The following PTPRD variants were observed in gnomAD, a reference collection of about 807,000 sequenced individuals.
PTPRD encodes the protein protein tyrosine phosphatase receptor type D, also known as receptor-type tyrosine-protein phosphatase delta.
A neutral mutation model predicts 214.5 loss-of-function variants in PTPRD; 34 were observed. The observed-to-expected ratio is 0.16, with a 90% CI of 0.12 to 0.21. The LOEUF (loss-of-function observed/expected upper bound fraction) is 0.21. Ranked by LOEUF, PTPRD falls within the 10% of genes least tolerant of loss-of-function variation. PTPRD has a pLI of 1.00. For missense variants in PTPRD, 2,545 were observed against 2,398.7 expected (o/e 1.06, Z -1.27); for synonymous variants, 1,128 against 845.7 (o/e 1.33, Z -5.79).
At chr9:9,313,905 G>A (rs1960813589) in intron 9 of PTPRD, among the ~76,000 whole-genome samples, 1 of 152,044 alleles carries the variant, frequency 6.6e-6, no homozygotes, top group African/African-American at 2.4e-5. Context: ...AGGCACACAA[G>A]CATGCACATG....
intron 9 of PTPRD, among the ~76,000 whole-genome samples, chr9:9,262,744 A>G (rs1258682779): frequency 6.6e-6 from 1 of 151,632 alleles, no homozygotes; most frequent in Non-Finnish European, 1.5e-5. Context: ...TTTTAATGCC[A>G]TGTTTCTTAT....
intron 3 of PTPRD, among the ~76,000 whole-genome samples, chr9:10,138,626 G>C (rs2098959682): frequency 2.0e-5 from 3 of 152,022 alleles, no homozygotes. Context: ...CAATATTCCT[G>C]ATAAGCATAG....
intron 3 of PTPRD, among the ~76,000 whole-genome samples, chr9:10,039,771 C>T (rs188123827): frequency 6.6e-6 from 1 of 151,656 alleles, no homozygotes; most frequent in Non-Finnish European, 1.5e-5. Context: ...ATATATTTAT[C>T]AAATTGGATA....
chr9:9,585,680 G>C (rs1343740924), intron 7 of PTPRD, among the ~76,000 whole-genome samples: 2 of 151,876 alleles, frequency 1.3e-5, no homozygotes, highest in South Asian at 2.1e-4. Context: ...CATTTTTCAA[G>C]CCCAACAATT....
chr9:10,202,634 C>T (rs1186910764), intron 3 of PTPRD, among the ~76,000 whole-genome samples: 1 of 140,952 alleles, frequency 7.1e-6, no homozygotes, highest in East Asian at 2.1e-4. Flanking sequence ...GCTTCAAATG[C>T]CATAGCACCT....
chr9:10,356,116 T>TC (rs2154462814), intron 2 of PTPRD, among the ~76,000 whole-genome samples: 2 of 152,230 alleles, frequency 1.3e-5, no homozygotes, highest in Admixed American at 1.3e-4. Context: ...AATTGCCTTT[T>TC]TTTTTTTTCA....
chr9:8,557,280 A>T (rs2084148860), intron 14 of PTPRD, among the ~76,000 whole-genome samples: 1 of 151,982 alleles, frequency 6.6e-6, no homozygotes, highest in Non-Finnish European at 1.5e-5. Context: ...CCTGAAATCA[A>T]CAGCTTGCCT....
At chr9:10,158,364 C>T (rs1055147570) in intron 3 of PTPRD, among the ~76,000 whole-genome samples, 2 of 152,096 alleles carry the variant, frequency 1.3e-5, no homozygotes, top group Non-Finnish European at 2.9e-5. Context: ...ATAGTTTTAC[C>T]ATGTTTAATT....
intron 2 of PTPRD, among the ~76,000 whole-genome samples, chr9:10,438,437 T>C (rs919082081): frequency 6.6e-6 from 1 of 151,732 alleles, no homozygotes; most frequent in African/African-American, 2.4e-5. Context: ...TATACGGTGA[T>C]AAACAACACC....
chr9:10,191,739 C>T lies in PTPRD; in HGVS notation c.-545+149224G>A, dbSNP rs146974380. Reference sequence around the variant, plus strand: ...TATGATTTCCCCAGGCTCTCAGTGACTTCCTCAGTGTTCTCATAGTATTTT... The same window carrying T: ...TATGATTTCCCCAGGCTCTCAGTGATTTCCTCAGTGTTCTCATAGTATTTT... On this transcript the variant is annotated intron_variant, in intron 3 of 45. Transcript: ENST00000381196. Among the ~76,000 whole-genome samples, 10 of 152,268 alleles carry T rather than the reference C, an allele frequency of 6.6e-5. No homozygotes were observed. The East Asian group carries it at 1.9e-3, about 29-fold the overall frequency.
intron 9 of PTPRD, among the ~76,000 whole-genome samples, chr9:9,308,095 G>T (rs995292280): frequency 7.9e-5 from 12 of 152,150 alleles, no homozygotes; most frequent in African/African-American, 2.4e-4. Context: ...ATGAAAAAGA[G>T]AATGTATAAC....
At position 10,011,939 on chromosome 9, in the gene PTPRD, T is replaced by C. The variant is rs527619754; in HGVS notation, c.-472+21779A>G. Among the ~76,000 whole-genome samples, 3 of 152,022 alleles carry C rather than the reference T, an allele frequency of 2.0e-5. No individual in the cohort carries two copies. The East Asian group carries it at 5.8e-4, about 29-fold the overall frequency. Reference sequence around the variant, plus strand: ...CCCTTCCATTGTGTCTGGCCAGTGGTATTGTTTTGGCCTTTGTATGTTCCG... The same window carrying C: ...CCCTTCCATTGTGTCTGGCCAGTGGCATTGTTTTGGCCTTTGTATGTTCCG... On this transcript the variant is annotated intron_variant, in intron 4 of 45. Coordinates refer to ENST00000381196, the MANE Select transcript of PTPRD (RefSeq NM_002839.4).
intron 28 of PTPRD, 98 bp from the exon 29 acceptor site, chr9:8,485,422 T>C (rs1321784698): frequency 2.5e-6 from 2 of 795,310 alleles, no homozygotes; most frequent in Non-Finnish European, 4.1e-6. Context: ...AGATGCTGTC[T>C]ACTTTGATCA....
chr9:8,532,069 T>C (rs2075832936), intron 14 of PTPRD, among the ~76,000 whole-genome samples: 1 of 152,086 alleles, frequency 6.6e-6, no homozygotes, highest in Non-Finnish European at 1.5e-5. Context: ...GTTCCTTTCT[T>C]ATTTTTAATA....
intron 2 of PTPRD, among the ~76,000 whole-genome samples, chr9:10,603,302 T>A (rs2078447938): frequency 1.3e-5 from 2 of 151,840 alleles, no homozygotes; most frequent in South Asian, 4.1e-4. Context: ...GAGTTAGTTT[T>A]CCTTGATATG....
intron 11 of PTPRD, among the ~76,000 whole-genome samples, chr9:8,952,354 A>G (rs2099106841): frequency 6.6e-6 from 1 of 152,006 alleles, no homozygotes; most frequent in Admixed American, 6.6e-5. Context: ...AACGTACTGC[A>G]TTTTATTTGC....
chr9:10,126,437 ACACACACAC>A, intron 3 of PTPRD, among the ~76,000 whole-genome samples: 2 of 135,090 alleles, frequency 1.5e-5, no homozygotes, highest in South Asian at 4.8e-4. Flanking sequence ...ACACACACAC[ACACACACAC>A]ACACACACAC....
At chr9:8,370,207 T>TATATACAC (rs1183827035) in intron 39 of PTPRD, among the ~76,000 whole-genome samples, 4 of 81,974 alleles carry the variant, frequency 4.9e-5, no homozygotes, top group African/African-American at 1.5e-4. Context: ...CATATATATA[T>TATATACAC]ACACACACAC....
intron 2 of PTPRD, among the ~76,000 whole-genome samples, chr9:10,365,068 C>T (rs1172259722): frequency 1.3e-5 from 2 of 152,036 alleles, no homozygotes; most frequent in Non-Finnish European, 2.9e-5. Context: ...GTGTACCAAC[C>T]AATATTAATT....
Sources: allele counts gnomAD v4.1 joint callset (sites outside exome capture counted in the v4.1 genomes callset), GRCh38; gene constraint gnomAD v4.1.1; transcripts MANE v1.5; gene names NCBI Gene and HGNC (gene_info 2026-07-23, HGNC 2026-07-21).